The following SERPINE3 variants were observed in gnomAD, a reference collection of about 807,000 sequenced individuals.
SERPINE3 encodes the protein serpin E3.
In SERPINE3, 43 loss-of-function variants were observed where a neutral mutation model predicts 41.7. That is an observed-to-expected ratio of 1.03 (90% confidence interval 0.81 to 1.33). SERPINE3 has a LOEUF of 1.33. SERPINE3 is among the 40% of genes most tolerant of loss of function. SERPINE3 has a pLI of 0.00. For synonymous variants in SERPINE3, 200 were observed against 192.2 expected, an observed-to-expected ratio of 1.04 and a Z score of -0.34; for missense variants, 440 against 491.7, an observed-to-expected ratio of 0.89 and a Z score of 0.99.
chr13:51,364,375 G>A lies in SERPINE3; in HGVS notation c.*93G>A. ...GAAATTTAAAAAAATGTCTGATAAA[G>A]TGTAAAAAGCTAAGGGTATGTGATT... On this transcript the variant is annotated 3_prime_UTR_variant, in exon 10 of 10. Coordinates refer to ENST00000681248, the MANE Select transcript of SERPINE3 (RefSeq NM_001386375.1). 1.5e-6 allele frequency: 1 copy of A among 679,268 alleles called. No individual in the cohort carries two copies. Among genetic ancestry groups the A allele is most frequent in the East Asian group, 3.0e-5 (1 of 33,370 alleles). The allele number at this position is 679,268 out of a possible 1,614,324, so 42.1% of individuals were successfully genotyped here.
chr13:51,350,739 A>G (rs1955395938), intron 6 of SERPINE3, among the ~76,000 whole-genome samples: 1 of 152,178 alleles, frequency 6.6e-6, no homozygotes, highest in African/African-American at 2.4e-5. Context: ...TACTAATTCC[A>G]GAACCTTTTC....
Position 51,348,422 on chromosome 13 carries a change from G to A in SERPINE3, c.899+11G>A, listed in dbSNP as rs754836293. The A allele has an allele frequency of 1.2e-6, 2 of 1,610,636 alleles. No homozygotes were observed. Among genetic ancestry groups the A allele is most frequent in the Non-Finnish European group, 1.7e-6 (2 of 1,178,602 alleles). ...TGTGTTCCTGCCCAGGTGAGCAGCT[G>A]AGTCCCCCTCACAGGTGCTGTGCAG... On this transcript the variant is annotated intron_variant, in intron 6 of 9. Transcript: ENST00000681248.
intron 7 of SERPINE3, 43 bp downstream of exon 7, chr13:51,355,186 G>T: frequency 1.0e-6 from 1 of 991,416 alleles, no homozygotes; most frequent in Non-Finnish European, 1.5e-6. Context: ...CGTGTATTTG[G>T]GGCAGTTTTA....
chr13:51,364,340 C>A lies in SERPINE3; in HGVS notation c.*58C>A. 2.0e-6 allele frequency: 2 copies of A among 1,000,900 alleles called. No individual in the cohort carries two copies. The highest frequency in any genetic ancestry group is 1.6e-5 in the South Asian group (1 of 61,130). The allele number at this position is 1,000,900 out of a possible 1,614,324, so 62.0% of individuals were successfully genotyped here. ...TTCATAAAGTTATAATTTCATTTTGCTATACCCTTGAAATTTAAAAAAATG... is the reference window on the plus strand; with the variant it reads ...TTCATAAAGTTATAATTTCATTTTGATATACCCTTGAAATTTAAAAAAATG... On this transcript the variant is annotated 3_prime_UTR_variant, in exon 10 of 10. Coordinates refer to ENST00000681248, the MANE Select transcript of SERPINE3 (RefSeq NM_001386375.1).
chr13:51,340,912 G>A (rs554791823), intron 2 of SERPINE3, 51 bp downstream of exon 2: 31 of 634,530 alleles, frequency 4.9e-5, no homozygotes, highest in African/African-American at 2.4e-4. Flanking sequence ...CAGCCCAGAC[G>A]GCTGGGCCTC....
At chr13:51,355,433 G>A (rs1164046981) in intron 7 of SERPINE3, among the ~76,000 whole-genome samples, 3 of 152,092 alleles carry the variant, frequency 2.0e-5, no homozygotes, top group Non-Finnish European at 4.4e-5. Flanking sequence ...GTCATGACTA[G>A]GAGTGTACCC....
Position 51,348,089 on chromosome 13 carries a change from G to A in SERPINE3, c.701-124G>A, listed in dbSNP as rs899529963. ...TCTTTGGCCTGAAACCGCCTCCTGAGGGTGAGGTGGATGCTCGGTTTTATT... is the reference window on the plus strand; with the variant it reads ...TCTTTGGCCTGAAACCGCCTCCTGAAGGTGAGGTGGATGCTCGGTTTTATT... On this transcript the variant is annotated intron_variant, in intron 5 of 9. Transcript: ENST00000681248. 1.0e-5 allele frequency: 7 copies of A among 701,932 alleles called. No individual in the cohort carries two copies. In the African/African-American group the frequency reaches 1.3e-4, roughly 13 times the overall value. 43.5% of individuals were successfully genotyped at this position (701,932 alleles called of 1,614,324 possible).
chr13:51,360,759 A>G (rs1248706852), intron 7 of SERPINE3, among the ~76,000 whole-genome samples: 1 of 152,082 alleles, frequency 6.6e-6, no homozygotes, highest in Non-Finnish European at 1.5e-5. Context: ...TTGTGCCTCA[A>G]TAAAGCCTGT....
At position 51,339,729 on chromosome 13, in the gene SERPINE3, G is replaced by C. The variant is rs1955272243; in HGVS notation, c.-110G>C. 1 of 152,374 alleles carries C rather than the reference G, an allele frequency of 6.6e-6. No individual in the cohort carries two copies. Among genetic ancestry groups the C allele is most frequent in the East Asian group, 1.9e-4 (1 of 5,182 alleles). 9.4% of individuals were successfully genotyped at this position (152,374 alleles called of 1,614,324 possible). On this transcript the variant is annotated 5_prime_UTR_variant, in exon 1 of 10. Transcript: ENST00000681248. The stretch of plus-strand genomic sequence containing the variant: ...GAGTCGAGCAAGGAAACGTGCAACA[G>C]TGATACAAAAGTCTGTGAGTACGTG...
chr13:51,348,280 G>C lies in SERPINE3; in HGVS notation c.768G>C (p.Val256=). Reference sequence around the variant, plus strand: ...AGCTTCCTTACCTGGGAAGTGCAGTGAGTCTGTTCCTGGTGCTGCCCCGTG... The same window carrying C: ...AGCTTCCTTACCTGGGAAGTGCAGTCAGTCTGTTCCTGGTGCTGCCCCGTG... ...VLELPYLGSA[V]SLFLVLPRDK... Residue 256 remains valine, a synonymous_variant, in exon 6 of 10, where the codon GTG becomes GTC. Coordinates refer to ENST00000681248, the MANE Select transcript of SERPINE3 (RefSeq NM_001386375.1). 6.2e-7 allele frequency: 1 copy of C among 1,611,120 alleles called. No individual in the cohort carries two copies. The highest frequency in any genetic ancestry group is 8.5e-7 in the Non-Finnish European group (1 of 1,178,840).
chr13:51,358,183 T>TA (rs1955510521), intron 7 of SERPINE3, among the ~76,000 whole-genome samples: 1 of 152,066 alleles, frequency 6.6e-6, no homozygotes, highest in Non-Finnish European at 1.5e-5. Flanking sequence ...CCCCTCTCCC[T>TA]AACACTTAGT....
chr13:51,363,674 A>G (rs1386725191), intron 9 of SERPINE3: 1 of 151,882 alleles, frequency 6.6e-6, no homozygotes, highest in Non-Finnish European at 1.5e-5. Flanking sequence ...TTTAACTAAT[A>G]TACCCATTTT....
chr13:51,340,381 T>C (rs550791361), intron 1 of SERPINE3, among the ~76,000 whole-genome samples: 1 of 152,206 alleles, frequency 6.6e-6, no homozygotes, highest in African/African-American at 2.4e-5. Context: ...ATATTCTTTT[T>C]TAGAGACTAA....
At chr13:51,340,905 C>T in intron 2 of SERPINE3, 44 bp downstream of exon 2, 1 of 623,444 alleles carries the variant, frequency 1.6e-6, no homozygotes, top group African/African-American at 1.8e-5. Context: ...AGCTCTGCAG[C>T]CCAGACGGCT....
intron 4 of SERPINE3, 59 bp downstream of exon 4, chr13:51,344,544 T>C (rs777641531): frequency 4.4e-6 from 6 of 1,361,334 alleles, no homozygotes; most frequent in African/African-American, 2.9e-5. Context: ...AGACAGAGTC[T>C]CACCCATCAC....
rs762326930 is a variant in SERPINE3, at chr13:51,361,884, C to A, written c.1162C>A (p.Pro388Thr). Residue 388 changes from proline (P) to threonine (T), a missense_variant, in exon 9 of 10, where the codon CCT becomes ACT. Coordinates refer to ENST00000681248, the MANE Select transcript of SERPINE3 (RefSeq NM_001386375.1). Reference sequence around the variant, plus strand: ...GCCATTCATCTATTTCCTGAGAGAACCTAACACAGGTATTACAGTATTTTT... The same window carrying A: ...GCCATTCATCTATTTCCTGAGAGAAACTAACACAGGTATTACAGTATTTTT... ...DRPFIYFLRE[P>T]NTGFVFSIGR... The A allele has an allele frequency of 6.2e-6, 10 of 1,611,350 alleles. No homozygotes were observed. Among genetic ancestry groups the A allele is most frequent in the South Asian group, 3.3e-5 (3 of 90,964 alleles).
intron 7 of SERPINE3, 43 bp downstream of exon 7, chr13:51,355,186 G>A (rs1378886056): frequency 1.0e-6 from 1 of 991,296 alleles, no homozygotes. Context: ...CGTGTATTTG[G>A]GGCAGTTTTA....
chr13:51,349,995 A>T (rs533087870), intron 6 of SERPINE3, among the ~76,000 whole-genome samples: 49 of 152,306 alleles, frequency 3.2e-4, no homozygotes, highest in African/African-American at 2.4e-5. Flanking sequence ...TCTTAGGTCT[A>T]GATTTAGGTA....
intron 4 of SERPINE3, among the ~76,000 whole-genome samples, chr13:51,345,571 G>A (rs1271266734): frequency 7.1e-6 from 1 of 140,094 alleles, no homozygotes; most frequent in African/African-American, 2.6e-5. Context: ...CTCCAGCTTG[G>A]GCAACAGTGA....
Sources: gnomAD v4.1 joint callset for allele counts (sites outside exome capture counted in the v4.1 genomes callset) on GRCh38, gnomAD v4.1.1 for gene constraint, MANE v1.5 for transcripts, NCBI Gene and HGNC (gene_info 2026-07-23, HGNC 2026-07-21) for gene names.